The following ZBTB7C variants were observed in gnomAD, a reference collection of about 807,000 sequenced individuals.
ZBTB7C encodes the protein zinc finger and BTB domain containing 7C.
Under a neutral mutation model 25.7 loss-of-function variants are expected in ZBTB7C, and 8 were observed. The observed-to-expected ratio is 0.31, with a 90% CI of 0.18 to 0.56. The LOEUF is 0.56. ZBTB7C is among the 20% of genes least tolerant of loss of function. The probability of loss-of-function intolerance (pLI) is 0.91; values close to 1 mark genes in which losing one functional copy is unlikely to be tolerated. For missense variants in ZBTB7C, 824 were observed against 855.2 expected, an observed-to-expected ratio of 0.96 and a Z score of 0.46; for synonymous variants, 394 against 369.0, an observed-to-expected ratio of 1.07 and a Z score of -0.78.
At chr18:48,279,669 G>A (rs1002342471) in intron 2 of ZBTB7C, among the ~76,000 whole-genome samples, 1 of 152,218 alleles carries the variant, frequency 6.6e-6, no homozygotes, top group African/African-American at 2.4e-5. Flanking sequence ...GGCACCCCCA[G>A]TCTTAAGCCT....
rs1477586173 is a variant in ZBTB7C, at chr18:48,029,296, G to C, written c.1824C>G (p.Leu608=). 52 of 1,538,078 alleles carry C rather than the reference G, an allele frequency of 3.4e-5. No homozygotes were observed. The highest frequency in any genetic ancestry group is 4.3e-5 in the Non-Finnish European group (49 of 1,148,568). Residue 608 remains leucine, a synonymous_variant, in exon 5 of 5, where the codon CTC becomes CTG. Coordinates refer to ENST00000590800, the MANE Select transcript of ZBTB7C (RefSeq NM_001318841.2). The stretch of plus-strand genomic sequence containing the variant: ...CTTCGGACATGGAGGCCACGTGGTT[G>C]AGGCCGGCGAGCCCAGGGAGGCCGG... ...GLAGLPGLAG[L]NHVASMSEAN... is the part of the protein sequence containing the mutation.
intron 2 of ZBTB7C, among the ~76,000 whole-genome samples, chr18:48,229,155 G>T (rs1264550950): frequency 6.6e-6 from 1 of 152,104 alleles, no homozygotes; most frequent in Non-Finnish European, 1.5e-5. Context: ...CGCCCAGGCA[G>T]CTTGCCCCAG....
chr18:48,362,277 A>T (rs1421264168), intron 1 of ZBTB7C, among the ~76,000 whole-genome samples: 1 of 152,082 alleles, frequency 6.6e-6, no homozygotes, highest in Non-Finnish European at 1.5e-5. Flanking sequence ...CAAAGCAAAC[A>T]TGGTTTCATG....
chr18:48,209,453 T>G (rs557140581), intron 2 of ZBTB7C, among the ~76,000 whole-genome samples: 1 of 152,322 alleles, frequency 6.6e-6, no homozygotes, highest in South Asian at 2.1e-4. Flanking sequence ...ATAATAAAAT[T>G]TATTTTAAAA....
intron 3 of ZBTB7C, among the ~76,000 whole-genome samples, chr18:48,134,579 G>T (rs1320149657): frequency 6.6e-6 from 1 of 152,198 alleles, no homozygotes; most frequent in East Asian, 1.9e-4. Flanking sequence ...AACAAGTCCT[G>T]TGAGTGTAGA....
chr18:48,179,300 C>G (rs1432347812), intron 3 of ZBTB7C, among the ~76,000 whole-genome samples: 1 of 152,186 alleles, frequency 6.6e-6, no homozygotes, highest in African/African-American at 2.4e-5. Flanking sequence ...AATAAGGGAT[C>G]CTGCATGGCT....
chr18:48,147,216 T>C (rs1305388586), intron 3 of ZBTB7C, among the ~76,000 whole-genome samples: 3 of 152,146 alleles, frequency 2.0e-5, no homozygotes, highest in Non-Finnish European at 4.4e-5. Flanking sequence ...TGGATAGGAT[T>C]ATAGGCACAT....
intron 2 of ZBTB7C, among the ~76,000 whole-genome samples, chr18:48,285,085 A>G (rs1015037675): frequency 6.6e-6 from 1 of 152,248 alleles, no homozygotes; most frequent in African/African-American, 2.4e-5. Flanking sequence ...CTATAAATGT[A>G]TGCCACAGAA....
At chr18:48,044,709 T>C (rs966738136) in intron 3 of ZBTB7C, among the ~76,000 whole-genome samples, 1 of 152,236 alleles carries the variant, frequency 6.6e-6, no homozygotes, top group African/African-American at 2.4e-5. Context: ...TCCATTTATA[T>C]AACAGGACCC....
intron 3 of ZBTB7C, among the ~76,000 whole-genome samples, chr18:48,105,572 G>A (rs963636837): frequency 6.6e-6 from 1 of 152,150 alleles, no homozygotes; most frequent in Non-Finnish European, 1.5e-5. Context: ...CCTGGAGGGG[G>A]TACTGCTCCA....
At chr18:48,394,024 C>T (rs898963964) in intron 1 of ZBTB7C, among the ~76,000 whole-genome samples, 1 of 152,192 alleles carries the variant, frequency 6.6e-6, no homozygotes, top group African/African-American at 2.4e-5. Context: ...AACAATGCTA[C>T]AGTGGATTTT....
intron 2 of ZBTB7C, among the ~76,000 whole-genome samples, chr18:48,272,332 A>T (rs2044518448): frequency 1.3e-5 from 2 of 152,210 alleles, no homozygotes; most frequent in African/African-American, 2.4e-5. Flanking sequence ...GTTCTTAGAC[A>T]CTAGAGCTTC....
intron 3 of ZBTB7C, among the ~76,000 whole-genome samples, chr18:48,119,945 T>C (rs6507815): frequency 0.64 from 97,304 of 152,026 alleles, 31,207 homozygotes; most frequent in South Asian, 0.7. Flanking sequence ...GTTGAAGGGA[T>C]AAGCTGGACA....
chr18:48,110,689 C>A (rs532792900), intron 3 of ZBTB7C, among the ~76,000 whole-genome samples: 6 of 152,254 alleles, frequency 3.9e-5, no homozygotes, highest in African/African-American at 1.4e-4. Flanking sequence ...TACATCTCGC[C>A]AAGCAGCCCT....
chr18:48,381,333 T>C (rs1032384507), intron 1 of ZBTB7C, among the ~76,000 whole-genome samples: 12 of 152,300 alleles, frequency 7.9e-5, no homozygotes, highest in East Asian at 5.8e-4. Flanking sequence ...TCAGTCCAGA[T>C]TGGAGCACAT....
intron 1 of ZBTB7C, among the ~76,000 whole-genome samples, chr18:48,405,325 C>G (rs949028464): frequency 1.3e-5 from 2 of 152,134 alleles, no homozygotes; most frequent in Non-Finnish European, 2.9e-5. Context: ...GCCTTCAAAC[C>G]TCCTCGACCA....
intron 2 of ZBTB7C, among the ~76,000 whole-genome samples, chr18:48,235,003 G>A (rs2043342903): frequency 6.6e-6 from 1 of 152,080 alleles, no homozygotes; most frequent in Non-Finnish European, 1.5e-5. Flanking sequence ...AACAATACTA[G>A]CGTTCTTTTG....
At chr18:48,276,414 A>G (rs2044654434) in intron 2 of ZBTB7C, among the ~76,000 whole-genome samples, 1 of 146,284 alleles carries the variant, frequency 6.8e-6, no homozygotes, top group Admixed American at 6.8e-5. Flanking sequence ...CTCGTCATCT[A>G]GCATTAGGTA....
At chr18:48,276,336 C>T (rs1290349696) in intron 2 of ZBTB7C, among the ~76,000 whole-genome samples, 3 of 149,672 alleles carry the variant, frequency 2.0e-5, no homozygotes, top group African/African-American at 2.5e-5. Flanking sequence ...TTTTAGGGTA[C>T]ATGTGCACAT....
Sources: gnomAD v4.1 joint callset for allele counts (sites outside exome capture counted in the v4.1 genomes callset) on GRCh38, gnomAD v4.1.1 for gene constraint, MANE v1.5 for transcripts, NCBI Gene and HGNC (gene_info 2026-07-23, HGNC 2026-07-21) for gene names.